The following WWOX variants were observed in gnomAD, a reference collection of about 807,000 sequenced individuals.
WWOX encodes WW domain-containing oxidoreductase.
In WWOX, 69 loss-of-function variants were observed where a neutral mutation model predicts 46.2. The observed-to-expected ratio is 1.49, with a 90% CI of 1.23 to 1.82. WWOX has a LOEUF of 1.82. WWOX is among the 40% of genes most tolerant of loss of function. The pLI is 0.00. For synonymous variants in WWOX, 359 were observed against 202.6 expected (o/e 1.77, Z -6.56); for missense variants, 919 against 542.6 (o/e 1.69, Z -6.89).
chr16:78,364,532 T>G (rs1346834610), intron 5 of WWOX, among the ~76,000 whole-genome samples: 1 of 148,950 alleles, frequency 6.7e-6, no homozygotes, highest in Non-Finnish European at 1.5e-5. Flanking sequence ...CTGCAACAAA[T>G]AAATCTTTGG....
intron 5 of WWOX, among the ~76,000 whole-genome samples, chr16:78,209,580 C>T (rs1424728851): frequency 6.6e-6 from 1 of 152,056 alleles, no homozygotes; most frequent in Non-Finnish European, 1.5e-5. Flanking sequence ...TGAGAAATCC[C>T]ATGATTCTTG....
At chr16:78,761,038 C>G (rs186189326) in intron 8 of WWOX, among the ~76,000 whole-genome samples, 13 of 152,278 alleles carry the variant, frequency 8.5e-5, no homozygotes, top group Admixed American at 6.5e-4. Flanking sequence ...TCAGTTATCT[C>G]CTACCAGGCC....
intron 8 of WWOX, among the ~76,000 whole-genome samples, chr16:78,518,224 T>A (rs1291115959): frequency 6.6e-6 from 1 of 152,050 alleles, no homozygotes; most frequent in Admixed American, 6.6e-5. Context: ...TTATTATTAA[T>A]GTTATTTTTT....
At chr16:78,767,103 T>C (rs1420753348) in intron 8 of WWOX, among the ~76,000 whole-genome samples, 8 of 121,330 alleles carry the variant, frequency 6.6e-5, no homozygotes, top group Admixed American at 5.0e-4. Flanking sequence ...CTTTCCTCCC[T>C]TCCTTCCTTC....
chr16:78,746,503 T>C (rs189559305), intron 8 of WWOX, among the ~76,000 whole-genome samples: 6 of 152,168 alleles, frequency 3.9e-5, no homozygotes, highest in Admixed American at 3.3e-4. Context: ...CTAAAGTGCA[T>C]TGTAGTAATA....
intron 8 of WWOX, among the ~76,000 whole-genome samples, chr16:78,706,295 A>G (rs2048327396): frequency 6.6e-6 from 1 of 152,078 alleles, no homozygotes; most frequent in Admixed American, 6.6e-5. Flanking sequence ...TCTCACACAC[A>G]TCCTTCAACA....
intron 5 of WWOX, chr16:78,355,497 G>A: frequency 2.8e-6 from 1 of 353,728 alleles, no homozygotes; most frequent in Non-Finnish European, 5.6e-6. Context: ...AGCTACTCGG[G>A]AGGCTGAGAC....
At chr16:78,405,340 G>C (rs962493123) in intron 6 of WWOX, among the ~76,000 whole-genome samples, 4 of 152,048 alleles carry the variant, frequency 2.6e-5, no homozygotes, top group Admixed American at 6.6e-5. Context: ...TTAATTAAAT[G>C]TGGCTAGGTT....
At chr16:78,814,775 A>C (rs1442581975) in intron 8 of WWOX, among the ~76,000 whole-genome samples, 1 of 152,208 alleles carries the variant, frequency 6.6e-6, no homozygotes, top group Non-Finnish European at 1.5e-5. Context: ...ATTACAGCCA[A>C]GGCCTTCTGG....
intron 8 of WWOX, among the ~76,000 whole-genome samples, chr16:79,091,787 T>G (rs1249664744): frequency 1.4e-5 from 2 of 143,720 alleles, no homozygotes; most frequent in South Asian, 2.3e-4. Context: ...TTGTTTTTTT[T>G]TTTTTTTTTT....
chr16:78,526,062 A>C (rs2043458524), intron 8 of WWOX: 1 of 152,264 alleles, frequency 6.6e-6, no homozygotes, highest in African/African-American at 2.4e-5. Context: ...TCCTAACAGT[A>C]TTTCGGTGTG....
chr16:78,314,969 C>G (rs368007032), intron 5 of WWOX, among the ~76,000 whole-genome samples: 25 of 152,112 alleles, frequency 1.6e-4, no homozygotes, highest in African/African-American at 6.0e-4. Context: ...CAATGTCCTT[C>G]GTAAAAGAAG....
At chr16:78,755,863 A>G (rs1290008561) in intron 8 of WWOX, among the ~76,000 whole-genome samples, 7 of 152,180 alleles carry the variant, frequency 4.6e-5, no homozygotes, top group Admixed American at 3.3e-4. Context: ...CTCCTCCTCT[A>G]TGCACCAGTC....
chr16:78,769,164 G>A (rs1291612686), intron 8 of WWOX, among the ~76,000 whole-genome samples: 1 of 152,196 alleles, frequency 6.6e-6, no homozygotes. Flanking sequence ...AGGTTAAATG[G>A]AAATTATGTA....
intron 4 of WWOX, among the ~76,000 whole-genome samples, chr16:78,149,460 A>T (rs1323064786): frequency 6.6e-6 from 1 of 152,236 alleles, no homozygotes; most frequent in South Asian, 2.1e-4. Context: ...AATATCAAGT[A>T]AAAGAGAAGA....
chr16:78,954,396 A>T (rs1386129411), intron 8 of WWOX, among the ~76,000 whole-genome samples: 2 of 152,148 alleles, frequency 1.3e-5, no homozygotes, highest in African/African-American at 4.8e-5. Flanking sequence ...GAACAGATGA[A>T]TGGATGCATG....
chr16:78,536,283 T>G (rs971655021), intron 8 of WWOX, among the ~76,000 whole-genome samples: 3 of 152,086 alleles, frequency 2.0e-5, no homozygotes, highest in African/African-American at 7.2e-5. Context: ...AAAGGTTGAT[T>G]GGAGGGTCTG....
intron 5 of WWOX, among the ~76,000 whole-genome samples, chr16:78,226,129 T>C (rs916014995): frequency 6.6e-6 from 1 of 152,124 alleles, no homozygotes; most frequent in Non-Finnish European, 1.5e-5. Context: ...CCTCGAGAAA[T>C]GAGTGGAATG....
At chr16:78,406,337 T>A (rs1278182642) in intron 6 of WWOX, among the ~76,000 whole-genome samples, 1 of 103,182 alleles carries the variant, frequency 9.7e-6, no homozygotes, top group East Asian at 2.5e-4. Context: ...TATATATATA[T>A]ATATATATAT....
Sources: gnomAD v4.1 joint callset for allele counts (sites outside exome capture counted in the v4.1 genomes callset) on GRCh38, gnomAD v4.1.1 for gene constraint, MANE v1.5 for transcripts, NCBI Gene and HGNC (gene_info 2026-07-23, HGNC 2026-07-21) for gene names.